Variants in FZD3 observed in about 807,000 individuals in gnomAD.
FZD3 encodes the protein frizzled class receptor 3.
Under a neutral mutation model 60.7 loss-of-function variants are expected in FZD3, and 30 were observed. That is an observed-to-expected ratio of 0.49 (90% confidence interval 0.37 to 0.67). The LOEUF (loss-of-function observed/expected upper bound fraction) is 0.67. FZD3 is among the 30% of genes least tolerant of loss of function. The pLI, the probability that FZD3 is intolerant of heterozygous loss-of-function variation, is 0.00. For synonymous variants in FZD3, 246 were observed against 275.2 expected, an observed-to-expected ratio of 0.89 and a Z score of 1.05; for missense variants, 605 against 838.7, an observed-to-expected ratio of 0.72 and a Z score of 3.44.
At position 28,530,033 on chromosome 8, in the gene FZD3, A is replaced by T. The variant is rs372383674; in HGVS notation, c.1404+1869A>T. Among the ~76,000 whole-genome samples, 3 of 151,944 alleles carry T rather than the reference A, an allele frequency of 2.0e-5. 1 individual carries two copies. Among genetic ancestry groups the T allele is most frequent in the African/African-American group, 7.2e-5 (3 of 41,458 alleles). The stretch of plus-strand genomic sequence containing the variant: ...GTTGAGATGCTGCTTTTTTCATGAC[A>T]TACCTAGAATTCTTTTAGCATCTTT... On this transcript the variant is annotated intron_variant, in intron 5 of 7. Coordinates refer to ENST00000240093, the MANE Select transcript of FZD3 (RefSeq NM_017412.4).
intron 3 of FZD3, among the ~76,000 whole-genome samples, chr8:28,509,516 A>G (rs902339525): frequency 6.6e-6 from 1 of 152,128 alleles, no homozygotes; most frequent in Non-Finnish European, 1.5e-5. Flanking sequence ...TAAGTAACAT[A>G]ATTACAATTC....
At chr8:28,516,623 T>G (rs1224270314) in intron 3 of FZD3, among the ~76,000 whole-genome samples, 1 of 152,206 alleles carries the variant, frequency 6.6e-6, no homozygotes, top group African/African-American at 2.4e-5. Context: ...AATTTATTCC[T>G]ATTTATTATT....
At chr8:28,532,860 C>CCA (rs1804914488) in intron 5 of FZD3, among the ~76,000 whole-genome samples, 1 of 152,162 alleles carries the variant, frequency 6.6e-6, no homozygotes, top group South Asian at 2.1e-4. Context: ...TTTCCAATTT[C>CCA]TATATTTCAT....
chr8:28,556,191 A>C (rs1805505302), intron 7 of FZD3, among the ~76,000 whole-genome samples: 1 of 152,224 alleles, frequency 6.6e-6, no homozygotes, highest in Non-Finnish European at 1.5e-5. Context: ...GGGATTGAGC[A>C]GGGAAAAGAC....
chr8:28,524,695 A>ATC (rs1221745769), intron 4 of FZD3, among the ~76,000 whole-genome samples: 1 of 151,920 alleles, frequency 6.6e-6, no homozygotes, highest in Non-Finnish European at 1.5e-5. Context: ...GGATAATCTC[A>ATC]TCTCACCTAT....
chr8:28,518,387 G>T (rs1174841869), intron 3 of FZD3, among the ~76,000 whole-genome samples: 5 of 152,110 alleles, frequency 3.3e-5, no homozygotes, highest in Non-Finnish European at 7.4e-5. Context: ...GTCAGTAACT[G>T]AGCTGAGTAG....
Position 28,568,369 on chromosome 8 carries a change from T to G in FZD3, c.*5358T>G, listed in dbSNP as rs978907607. ...ATTTAATTCTCTTCTCTCCTTCTTTTGTTCCGATTAGATGAATTTGGGAAA... is the reference window on the plus strand; with the variant it reads ...ATTTAATTCTCTTCTCTCCTTCTTTGGTTCCGATTAGATGAATTTGGGAAA... On this transcript the variant is annotated 3_prime_UTR_variant, in exon 8 of 8. Coordinates refer to ENST00000240093, the MANE Select transcript of FZD3 (RefSeq NM_017412.4). 2.6e-4 allele frequency: 39 copies of G among 152,188 alleles called. No homozygotes were observed. Among genetic ancestry groups the G allele is most frequent in the African/African-American group, 8.2e-4 (34 of 41,452 alleles). The allele number at this position is 152,188 out of a possible 1,614,324, so 9.4% of individuals were successfully genotyped here.
chr8:28,557,883 G>A (rs994826190), intron 7 of FZD3, among the ~76,000 whole-genome samples: 1 of 152,154 alleles, frequency 6.6e-6, no homozygotes, highest in African/African-American at 2.4e-5. Flanking sequence ...ACTTCAATAG[G>A]TATAGTAAAA....
chr8:28,562,020 G>T (rs1254563808), intron 7 of FZD3, among the ~76,000 whole-genome samples: 1 of 152,208 alleles, frequency 6.6e-6, no homozygotes, highest in East Asian at 1.9e-4. Flanking sequence ...TTCAAGATAA[G>T]TGCAGAGGAG....
chr8:28,526,035 T>C (rs1174196507), intron 4 of FZD3, among the ~76,000 whole-genome samples: 1 of 152,172 alleles, frequency 6.6e-6, no homozygotes, highest in Non-Finnish European at 1.5e-5. Context: ...AAGAATTTGC[T>C]TTCAGAAGGG....
chr8:28,520,907 C>T (rs912770984), intron 4 of FZD3, 73 bp downstream of exon 4: 4 of 1,103,524 alleles, frequency 3.6e-6, no homozygotes, highest in South Asian at 2.5e-5. Context: ...TCTTCTTTTC[C>T]ATCTGTTTTA....
At chr8:28,516,594 A>G (rs1804433344) in intron 3 of FZD3, among the ~76,000 whole-genome samples, 1 of 152,122 alleles carries the variant, frequency 6.6e-6, no homozygotes, top group Admixed American at 6.5e-5. Context: ...TAGTTTTCTG[A>G]CTTACATGAC....
At chr8:28,494,857 C>T (rs28561077) in intron 1 of FZD3, among the ~76,000 whole-genome samples, 2,922 of 152,204 alleles carry the variant, frequency 0.019, 81 homozygotes, top group African/African-American at 0.066. Context: ...AAGCGCGCGC[C>T]GCCAGGCTCC....
Position 28,566,668 on chromosome 8 carries a change from C to G in FZD3, c.*3657C>G, listed in dbSNP as rs1433132827. 6.6e-6 allele frequency: 1 copy of G among 152,032 alleles called. No individual in the cohort carries two copies. Among genetic ancestry groups the G allele is most frequent in the Non-Finnish European group, 1.5e-5 (1 of 67,992 alleles). The allele number at this position is 152,032 out of a possible 1,614,324, so 9.4% of individuals were successfully genotyped here. On this transcript the variant is annotated 3_prime_UTR_variant, in exon 8 of 8. Transcript: ENST00000240093. ...TAAATTAGTGAATCATTTGCTGGAGCTTAGAAAATATTAACATACCAAAAT... is the reference window on the plus strand; with the variant it reads ...TAAATTAGTGAATCATTTGCTGGAGGTTAGAAAATATTAACATACCAAAAT...
intron 1 of FZD3, among the ~76,000 whole-genome samples, chr8:28,499,254 A>C (rs1803927124): frequency 6.6e-6 from 1 of 152,226 alleles, no homozygotes; most frequent in African/African-American, 2.4e-5. Context: ...TGACAAAATG[A>C]GAGATATATA....
intron 6 of FZD3, among the ~76,000 whole-genome samples, chr8:28,554,403 T>G (rs1316771026): frequency 6.6e-6 from 1 of 152,196 alleles, no homozygotes; most frequent in Non-Finnish European, 1.5e-5. Context: ...TTTATTTTTT[T>G]TACTATTTTT....
chr8:28,535,113 A>G (rs901380796), intron 5 of FZD3, among the ~76,000 whole-genome samples: 1 of 152,212 alleles, frequency 6.6e-6, no homozygotes, highest in South Asian at 2.1e-4. Context: ...TCAAAATACC[A>G]ATTGGGTTTA....
chr8:28,512,602 A>T (rs1031509875), intron 3 of FZD3, among the ~76,000 whole-genome samples: 1 of 152,140 alleles, frequency 6.6e-6, no homozygotes, highest in African/African-American at 2.4e-5. Flanking sequence ...TTTTATTTTT[A>T]AAAAATTTCA....
chr8:28,551,051 A>G (rs1805400084), intron 5 of FZD3, among the ~76,000 whole-genome samples: 1 of 152,190 alleles, frequency 6.6e-6, no homozygotes, highest in Non-Finnish European at 1.5e-5. Flanking sequence ...ATTTTAGAAG[A>G]TGACTAATGT....
Sources: gnomAD v4.1 joint callset for allele counts (sites outside exome capture counted in the v4.1 genomes callset) on GRCh38, gnomAD v4.1.1 for gene constraint, MANE v1.5 for transcripts, NCBI Gene and HGNC (gene_info 2026-07-23, HGNC 2026-07-21) for gene names.